The following GALNTL6 variants were observed in gnomAD, a reference collection of about 807,000 sequenced individuals.
GALNTL6 encodes the protein polypeptide N-acetylgalactosaminyltransferase like 6.
A neutral mutation model predicts 73.7 loss-of-function variants in GALNTL6; 46 were observed. That is an observed-to-expected ratio of 0.62 (90% CI 0.49 to 0.80). The LOEUF is 0.80. GALNTL6 is among the 30% of genes least tolerant of loss of function. The pLI is 0.00. For missense variants in GALNTL6, 604 were observed against 755.0 expected (o/e 0.80, Z 2.34); for synonymous variants, 259 against 263.7 (o/e 0.98, Z 0.17).
intron 2 of GALNTL6, among the ~76,000 whole-genome samples, chr4:171,856,675 T>A (rs1177532419): frequency 6.6e-6 from 1 of 152,220 alleles, no homozygotes; most frequent in Non-Finnish European, 1.5e-5. Context: ...GAGCACCATT[T>A]ATTGAAAAGC....
intron 9 of GALNTL6, among the ~76,000 whole-genome samples, chr4:172,944,973 A>G (rs1355795927): frequency 6.6e-6 from 1 of 151,460 alleles, no homozygotes; most frequent in East Asian, 1.9e-4. Context: ...CAGGAGAATC[A>G]CTTGATCCCA....
At chr4:172,663,755 C>A (rs1266851595) in intron 5 of GALNTL6, among the ~76,000 whole-genome samples, 2 of 152,024 alleles carry the variant, frequency 1.3e-5, no homozygotes, top group Admixed American at 1.3e-4. Flanking sequence ...AGGGCGAAAC[C>A]CCATCTCTAC....
intron 2 of GALNTL6, among the ~76,000 whole-genome samples, chr4:171,948,477 C>T (rs967973531): frequency 7.2e-5 from 11 of 152,066 alleles, no homozygotes; most frequent in African/African-American, 2.7e-4. Flanking sequence ...GTAATTTAGG[C>T]TTTTTTGAAA....
At chr4:172,676,985 A>G (rs901774865) in intron 5 of GALNTL6, among the ~76,000 whole-genome samples, 1 of 152,242 alleles carries the variant, frequency 6.6e-6, no homozygotes, top group Admixed American at 6.5e-5. Flanking sequence ...GAGTTCAACT[A>G]AAGACCTGAA....
intron 7 of GALNTL6, among the ~76,000 whole-genome samples, chr4:172,859,079 A>G (rs1020211368): frequency 3.9e-5 from 6 of 152,012 alleles, no homozygotes; most frequent in African/African-American, 7.2e-5. Flanking sequence ...AGGAAAAGAA[A>G]ATGGGGTCAG....
At chr4:171,963,710 G>C (rs1055977347) in intron 2 of GALNTL6, among the ~76,000 whole-genome samples, 3 of 152,046 alleles carry the variant, frequency 2.0e-5, no homozygotes, top group Non-Finnish European at 4.4e-5. Flanking sequence ...CCCAGCTTTA[G>C]CACCAATAGC....
intron 3 of GALNTL6, among the ~76,000 whole-genome samples, chr4:172,262,965 G>A (rs976071969): frequency 2.6e-5 from 4 of 151,402 alleles, no homozygotes; most frequent in African/African-American, 7.3e-5. Context: ...CTTCTGGCTC[G>A]TAAGATTTCT....
In GALNTL6 at chr4:172,335,463, A is replaced by G. The variant is rs370646354; in HGVS notation, c.387-13060A>G. 4.4e-4 allele frequency among the ~76,000 whole-genome samples: 67 copies of G among 152,274 alleles called. 1 individual carries two copies. In the South Asian group the frequency reaches 0.013, roughly 31 times the overall value. On this transcript the variant is annotated intron_variant, in intron 4 of 12. Coordinates refer to ENST00000506823, the MANE Select transcript of GALNTL6 (RefSeq NM_001034845.3). ...AGGTGATGCTAGCTCGCTTTGTAGA[A>G]TGAGTTAGGGAGAGGTCCCTCTTCC...
In GALNTL6 at chr4:172,854,471, A is replaced by G. The variant is rs151022561; in HGVS notation, c.924-28319A>G. ...CCAGCTGTGTGAGTTAGAGGGGAAG[A>G]TGTATGGAGCCTTTTATGTTTTTAT... is the stretch of plus-strand genomic sequence containing the variant. On this transcript the variant is annotated intron_variant, in intron 7 of 12. Transcript: ENST00000506823. Among the ~76,000 whole-genome samples the G allele has an allele frequency of 5.3e-5, 8 of 152,328 alleles. No individual in the cohort carries two copies. The East Asian group carries it at 1.5e-3, about 29-fold the overall frequency.
At chr4:172,084,871 G>T (rs969353203) in intron 2 of GALNTL6, among the ~76,000 whole-genome samples, 2 of 152,242 alleles carry the variant, frequency 1.3e-5, no homozygotes, top group South Asian at 4.1e-4. Context: ...GCACTGTCAG[G>T]ATAGTATATG....
chr4:172,226,869 A>C (rs1736885803), intron 2 of GALNTL6, among the ~76,000 whole-genome samples: 1 of 152,110 alleles, frequency 6.6e-6, no homozygotes, highest in Non-Finnish European at 1.5e-5. Context: ...CTGATTCTCT[A>C]AATGCTTCTT....
At chr4:171,940,071 C>T (rs995102230) in intron 2 of GALNTL6, among the ~76,000 whole-genome samples, 54 of 151,860 alleles carry the variant, frequency 3.6e-4, no homozygotes, top group Admixed American at 1.3e-3. Flanking sequence ...ACTGTTTCTT[C>T]CTCTATAAAA....
intron 2 of GALNTL6, among the ~76,000 whole-genome samples, chr4:172,191,846 G>C (rs1189856172): frequency 1.3e-5 from 2 of 152,130 alleles, no homozygotes; most frequent in Non-Finnish European, 2.9e-5. Context: ...AGTGAAGTCA[G>C]AGGTCATAAG....
At chr4:171,957,849 A>G (rs184646386) in intron 2 of GALNTL6, among the ~76,000 whole-genome samples, 28 of 152,244 alleles carry the variant, frequency 1.8e-4, no homozygotes, top group African/African-American at 6.5e-4. Context: ...GTATGCTAAC[A>G]TATTTGACAA....
chr4:172,832,421 C>T (rs997022778), intron 7 of GALNTL6, among the ~76,000 whole-genome samples: 2 of 152,164 alleles, frequency 1.3e-5, no homozygotes, highest in Non-Finnish European at 2.9e-5. Context: ...CTTTTGGAGA[C>T]TCTAAAGGTC....
intron 2 of GALNTL6, among the ~76,000 whole-genome samples, chr4:171,861,207 G>C (rs1186110114): frequency 6.6e-6 from 1 of 152,152 alleles, no homozygotes; most frequent in East Asian, 1.9e-4. Context: ...AGTATGAAGA[G>C]AGAGTTTACC....
chr4:172,310,685 GATAAA>G (rs1418294763), intron 3 of GALNTL6, among the ~76,000 whole-genome samples: 32 of 152,032 alleles, frequency 2.1e-4, no homozygotes, highest in Admixed American at 1.9e-3. Flanking sequence ...AATTTTGATA[GATAAA>G]ATAAAAACAG....
intron 5 of GALNTL6, among the ~76,000 whole-genome samples, chr4:172,756,911 G>C (rs1737787131): frequency 6.6e-6 from 1 of 152,098 alleles, no homozygotes; most frequent in African/African-American, 2.4e-5. Context: ...ATTAATTTTA[G>C]AATTATATTT....
rs1044199546 is a variant in GALNTL6 at position 172,973,079 on chromosome 4, T to C, written c.1371+20821T>C. ...TTATACAGATGCTCAGATAATAAAT[T>C]CAAAAGGAAAGAATTTTCTAAATCA... is the stretch of plus-strand genomic sequence containing the variant. On this transcript the variant is annotated intron_variant, in intron 10 of 12. Transcript: ENST00000506823. Among the ~76,000 whole-genome samples, 4 of 152,212 alleles carry C rather than the reference T, an allele frequency of 2.6e-5. No individual in the cohort carries two copies. The South Asian group carries it at 6.2e-4, about 24-fold the overall frequency.
Sources: allele counts gnomAD v4.1 joint callset (sites outside exome capture counted in the v4.1 genomes callset), GRCh38; gene constraint gnomAD v4.1.1; transcripts MANE v1.5; gene names NCBI Gene and HGNC (gene_info 2026-07-23, HGNC 2026-07-21).